Variants in DACH2 observed in about 807,000 individuals in gnomAD.
DACH2 encodes dachshund family transcription factor 2.
Under a neutral mutation model 35.8 loss-of-function variants are expected in DACH2, and 17 were observed. That is an observed-to-expected ratio of 0.48 (90% CI 0.33 to 0.71). The LOEUF is 0.71. Among genes scored for constraint, DACH2 ranks in the 30% least tolerant of loss-of-function variants. DACH2 has a pLI of 0.02. For synonymous variants in DACH2, 195 were observed against 177.3 expected (o/e 1.10, Z -0.79); for missense variants, 469 against 472.7 (o/e 0.99, Z 0.07).
chrX:86,540,690 C>T (rs889711512), intron 3 of DACH2, among the ~76,000 whole-genome samples: 2 of 111,346 alleles, frequency 1.8e-5, no homozygotes, highest in Non-Finnish European at 1.9e-5. Context: ...GCAGCTGGTA[C>T]ACTAGTGTCA....
intron 2 of DACH2, among the ~76,000 whole-genome samples, chrX:86,446,980 T>C (rs1178429398): frequency 0.014 from 1,040 of 73,021 alleles, 14 homozygotes; most frequent in Non-Finnish European, 0.021. Flanking sequence ...TTTTAATGAT[T>C]GCCATTCTAA....
At chrX:86,302,464 G>T (rs2148014157) in intron 1 of DACH2, among the ~76,000 whole-genome samples, 1 of 111,250 alleles carries the variant, frequency 9.0e-6, no homozygotes, top group South Asian at 3.8e-4. Flanking sequence ...TTTTAAAATG[G>T]TGATTTGCCC....
chrX:86,296,101 C>T (rs183678063), intron 1 of DACH2, among the ~76,000 whole-genome samples: 278 of 109,989 alleles, frequency 2.5e-3, no homozygotes, highest in African/African-American at 8.5e-3. Flanking sequence ...ATATCTTGGC[C>T]GGGCGAGGTG....
At chrX:86,476,347 G>A (rs1458118660) in intron 2 of DACH2, among the ~76,000 whole-genome samples, 1 of 111,117 alleles carries the variant, frequency 9.0e-6, no homozygotes, top group African/African-American at 3.3e-5. Flanking sequence ...GCTTGTTATT[G>A]GTCTAGTTTT....
At chrX:86,464,213 A>T (rs2037625269) in intron 2 of DACH2, among the ~76,000 whole-genome samples, 1 of 111,648 alleles carries the variant, frequency 9.0e-6, no homozygotes, top group Admixed American at 9.6e-5. Flanking sequence ...ATAAAGACAC[A>T]CACACACGTA....
intron 2 of DACH2, among the ~76,000 whole-genome samples, chrX:86,450,321 G>A (rs913927204): frequency 4.5e-5 from 5 of 111,323 alleles, no homozygotes; most frequent in Non-Finnish European, 9.4e-5. Flanking sequence ...AGAACATGCA[G>A]TGTTTGGTTT....
chrX:86,280,284 G>C (rs1047580955), intron 1 of DACH2, among the ~76,000 whole-genome samples: 5 of 112,205 alleles, frequency 4.5e-5, no homozygotes, highest in Non-Finnish European at 9.4e-5. Context: ...CCAGAAGAGA[G>C]TGGGTGCCAA....
chrX:86,655,539 A>T (rs1965177487), intron 4 of DACH2, among the ~76,000 whole-genome samples: 1 of 112,159 alleles, frequency 8.9e-6, no homozygotes, highest in African/African-American at 3.2e-5. Context: ...GCTAGTGACT[A>T]TTTCTAAACC....
intron 1 of DACH2, among the ~76,000 whole-genome samples, chrX:86,333,832 C>G (rs766300423): frequency 9.6e-4 from 107 of 111,050 alleles, no homozygotes; most frequent in African/African-American, 3.0e-3. Context: ...TAGCTATACA[C>G]TTGCCATGGT....
intron 1 of DACH2, among the ~76,000 whole-genome samples, chrX:86,329,440 T>A (rs1050841897): frequency 4.5e-5 from 5 of 111,452 alleles, no homozygotes; most frequent in Admixed American, 3.8e-4. Flanking sequence ...CCCTTTTCAT[T>A]GAGAGAGTTT....
chrX:86,784,968 G>T (rs753043971), intron 7 of DACH2, among the ~76,000 whole-genome samples: 99 of 110,796 alleles, frequency 8.9e-4, no homozygotes, highest in African/African-American at 3.0e-3. Flanking sequence ...AGACACCAGT[G>T]CCTGCTAGAG....
Position 86,149,186 on chromosome X carries a change from A to G in DACH2, c.488+78A>G, listed in dbSNP as rs764004529. 1.2e-5 allele frequency: 13 copies of G among 1,064,906 alleles called. No individual in the cohort carries two copies. The South Asian group carries it at 2.4e-4, about 20-fold the overall frequency. 87.8% of individuals were successfully genotyped at this position (1,064,906 alleles called of 1,213,427 possible). A position where few individuals can be genotyped will look rare whatever the true frequency, so the allele number is the denominator to read the frequency against. Reference sequence around the variant, plus strand: ...CTGCATGCCTCACCACCCTCATCCAACTTTGTTTGTAGAGTGAGTCTTAAC... The same window carrying G: ...CTGCATGCCTCACCACCCTCATCCAGCTTTGTTTGTAGAGTGAGTCTTAAC... On this transcript the variant is annotated intron_variant, in intron 1 of 11. Transcript: ENST00000373125.
At chrX:86,420,634 C>T (rs1381850452) in intron 2 of DACH2, among the ~76,000 whole-genome samples, 1 of 110,944 alleles carries the variant, frequency 9.0e-6, no homozygotes, top group Non-Finnish European at 1.9e-5. Context: ...GAAAATTGAC[C>T]CTCTGTGTAA....
At chrX:86,688,951 CTT>C (rs916266781) in intron 4 of DACH2, among the ~76,000 whole-genome samples, 5 of 111,368 alleles carry the variant, frequency 4.5e-5, no homozygotes, top group African/African-American at 1.6e-4. Context: ...TTAATTAAAA[CTT>C]ATATTTAAAT....
intron 3 of DACH2, among the ~76,000 whole-genome samples, chrX:86,572,052 T>A (rs1259524270): frequency 1.8e-5 from 2 of 110,731 alleles, no homozygotes; most frequent in African/African-American, 6.6e-5. Context: ...ATGAGAACAC[T>A]TGGACACAGA....
intron 1 of DACH2, among the ~76,000 whole-genome samples, chrX:86,186,389 A>T (rs1384884470): frequency 8.9e-6 from 1 of 112,381 alleles, no homozygotes; most frequent in East Asian, 2.8e-4. Flanking sequence ...TATAATGAAT[A>T]TGAATTTATT....
intron 1 of DACH2, among the ~76,000 whole-genome samples, chrX:86,265,134 G>T (rs1444072404): frequency 9.0e-6 from 1 of 111,527 alleles, no homozygotes; most frequent in South Asian, 3.7e-4. Context: ...AGTGGATATG[G>T]CAGTTCCTTG....
intron 6 of DACH2, among the ~76,000 whole-genome samples, chrX:86,719,648 G>A (rs767716594): frequency 9.0e-4 from 100 of 111,465 alleles, no homozygotes; most frequent in African/African-American, 2.7e-3. Context: ...GAGAATGACC[G>A]CCAACAGGGG....
At chrX:86,392,006 G>T (rs992377150) in intron 2 of DACH2, among the ~76,000 whole-genome samples, 1 of 110,479 alleles carries the variant, frequency 9.1e-6, no homozygotes, top group Non-Finnish European at 1.9e-5. Flanking sequence ...TAAGTTCTGA[G>T]ATACATGTGC....
Sources: gnomAD v4.1 joint callset for allele counts (sites outside exome capture counted in the v4.1 genomes callset) on GRCh38, gnomAD v4.1.1 for gene constraint, MANE v1.5 for transcripts, NCBI Gene and HGNC (gene_info 2026-07-23, HGNC 2026-07-21) for gene names.